The following CNOT2 variants were observed in gnomAD, a reference collection of about 807,000 sequenced individuals.
CNOT2 encodes CCR4-NOT transcription complex subunit 2.
Under a neutral mutation model 72.1 loss-of-function variants are expected in CNOT2, and 7 were observed. The ratio of observed to expected loss-of-function variants is 0.10; its 90% CI spans 0.06 to 0.18. The LOEUF (loss-of-function observed/expected upper bound fraction) is 0.18, where lower values mean the gene tolerates loss of function less well. Ranked by LOEUF, CNOT2 falls within the 10% of genes least tolerant of loss-of-function variation. CNOT2 has a pLI of 1.00. For missense variants in CNOT2, 345 were observed against 660.3 expected, an observed-to-expected ratio of 0.52 and a Z score of 5.23; for synonymous variants, 196 against 225.6, an observed-to-expected ratio of 0.87 and a Z score of 1.17.
intron 4 of CNOT2, 84 bp from the exon 5 acceptor site, chr12:70,329,339 G>A: frequency 9.5e-7 from 1 of 1,055,904 alleles, no homozygotes; most frequent in East Asian, 2.4e-5. Flanking sequence ...CATTAAAAGT[G>A]TCTTAAATCG....
intron 1 of CNOT2, among the ~76,000 whole-genome samples, chr12:70,265,323 C>CTCTTCTCTTCTCTT (rs762070879): frequency 0.013 from 1,843 of 144,868 alleles, 15 homozygotes; most frequent in Middle Eastern, 0.03. Context: ...CTCTTCTCTT[C>CTCTTCTCTTCTCTT]TCTTTCTTTC....
At chr12:70,258,880 G>A (rs535118863) in intron 1 of CNOT2, among the ~76,000 whole-genome samples, 1 of 152,314 alleles carries the variant, frequency 6.6e-6, no homozygotes, top group South Asian at 2.1e-4. Flanking sequence ...GATTCTTGAT[G>A]TCTTATGATT....
At chr12:70,302,760 C>A (rs1874306707) in intron 2 of CNOT2, among the ~76,000 whole-genome samples, 1 of 152,170 alleles carries the variant, frequency 6.6e-6, no homozygotes, top group African/African-American at 2.4e-5. Context: ...AGTTCAATTC[C>A]TGGATATCCT....
chr12:70,303,574 G>T (rs10879126), intron 2 of CNOT2, among the ~76,000 whole-genome samples: 31,405 of 152,010 alleles, frequency 0.21, 3,547 homozygotes, highest in African/African-American at 0.3. Flanking sequence ...TAGAGTTTCT[G>T]CCGAGAGATC....
At chr12:70,272,372 T>C (rs1868256604) in intron 1 of CNOT2, among the ~76,000 whole-genome samples, 1 of 152,114 alleles carries the variant, frequency 6.6e-6, no homozygotes, top group Non-Finnish European at 1.5e-5. Flanking sequence ...CATGTTAACG[T>C]CAAGAAGCAG....
At chr12:70,265,459 GTAT>G (rs1212396378) in intron 1 of CNOT2, among the ~76,000 whole-genome samples, 4 of 151,660 alleles carry the variant, frequency 2.6e-5, no homozygotes, top group Non-Finnish European at 2.9e-5. Context: ...AGTTGTTCTG[GTAT>G]TATTATCCTT....
At chr12:70,283,000 CAG>C (rs1393296400) in intron 2 of CNOT2, among the ~76,000 whole-genome samples, 1 of 152,124 alleles carries the variant, frequency 6.6e-6, no homozygotes, top group Non-Finnish European at 1.5e-5. Context: ...TTAATATAAA[CAG>C]AAACAAATGA....
chr12:70,306,508 G>T (rs116446543), intron 2 of CNOT2, among the ~76,000 whole-genome samples: 234 of 152,220 alleles, frequency 1.5e-3, no homozygotes, highest in African/African-American at 5.6e-3. Context: ...TCAAAGGAAA[G>T]ATTAAATGTC....
chr12:70,339,045 T>TGTGTGC (rs1212121418), intron 11 of CNOT2, among the ~76,000 whole-genome samples: 1 of 142,848 alleles, frequency 7.0e-6, no homozygotes, highest in African/African-American at 2.6e-5. Flanking sequence ...TGTGTGTGTG[T>TGTGTGC]GTGTGCATGT....
intron 1 of CNOT2, among the ~76,000 whole-genome samples, chr12:70,277,924 T>C (rs1391285001): frequency 6.6e-6 from 1 of 152,128 alleles, no homozygotes; most frequent in Non-Finnish European, 1.5e-5. Flanking sequence ...AAAGTAGAAG[T>C]GGGTAGGAAG....
chr12:70,257,461 C>T (rs375218250), intron 1 of CNOT2, among the ~76,000 whole-genome samples: 12 of 150,094 alleles, frequency 8.0e-5, no homozygotes, highest in African/African-American at 2.4e-4. Flanking sequence ...TCCGGGTTCA[C>T]GCCATTCTCC....
intron 1 of CNOT2, among the ~76,000 whole-genome samples, chr12:70,257,354 C>CCTTT (rs1958507396): frequency 7.8e-6 from 1 of 128,568 alleles, no homozygotes; most frequent in African/African-American, 2.8e-5. Context: ...CAACTACCCC[C>CCTTT]TTTTTTTTTT....
chr12:70,255,715 A>G (rs997480275), intron 1 of CNOT2, among the ~76,000 whole-genome samples: 2 of 152,206 alleles, frequency 1.3e-5, no homozygotes, highest in African/African-American at 4.8e-5. Context: ...TTTTCTTCTA[A>G]AAACATATAC....
At chr12:70,313,703 A>G (rs1300507309) in intron 3 of CNOT2, among the ~76,000 whole-genome samples, 6 of 152,114 alleles carry the variant, frequency 3.9e-5, no homozygotes, top group African/African-American at 1.4e-4. Context: ...ATCAAAACCT[A>G]TTTTGTATAA....
At chr12:70,330,518 A>C (rs749955999) in intron 6 of CNOT2, 49 bp downstream of exon 6, 13 of 1,360,730 alleles carry the variant, frequency 9.6e-6, no homozygotes, top group Non-Finnish European at 1.1e-5. Flanking sequence ...GGGTATACTC[A>C]GATTTGCCTT....
intron 2 of CNOT2, chr12:70,294,074 G>T (rs780276263): frequency 7.9e-7 from 1 of 1,262,548 alleles, no homozygotes; most frequent in Non-Finnish European, 1.0e-6. Flanking sequence ...TTCAAAGAGC[G>T]GAAGAATCCC....
chr12:70,350,594 T>G (rs927868825), intron 15 of CNOT2, among the ~76,000 whole-genome samples: 2 of 152,200 alleles, frequency 1.3e-5, no homozygotes, highest in Non-Finnish European at 2.9e-5. Context: ...ACCTGACACC[T>G]TTGCTTTCTG....
intron 1 of CNOT2, among the ~76,000 whole-genome samples, chr12:70,271,799 G>C (rs972681376): frequency 6.6e-6 from 1 of 152,144 alleles, no homozygotes; most frequent in South Asian, 2.1e-4. Context: ...TAAAAAATTA[G>C]AAAGTATTTG....
intron 1 of CNOT2, among the ~76,000 whole-genome samples, chr12:70,276,718 T>G (rs999651652): frequency 2.0e-5 from 3 of 152,030 alleles, no homozygotes; most frequent in Non-Finnish European, 4.4e-5. Context: ...TTTACTCCTT[T>G]GTTATTTTTG....
Sources: gnomAD v4.1 joint callset for allele counts (sites outside exome capture counted in the v4.1 genomes callset) on GRCh38, gnomAD v4.1.1 for gene constraint, MANE v1.5 for transcripts, NCBI Gene and HGNC (gene_info 2026-07-23, HGNC 2026-07-21) for gene names.